The following PCID2 variants were observed in gnomAD, a reference collection of about 807,000 sequenced individuals.
PCID2 encodes PCI domain containing 2, also known as PCI domain-containing protein 2.
A neutral mutation model predicts 61.3 loss-of-function variants in PCID2; 41 were observed. The ratio of observed to expected loss-of-function variants is 0.67; its 90% CI spans 0.52 to 0.87. PCID2 has a LOEUF of 0.87. Among genes scored for constraint, PCID2 ranks in the 40% least tolerant of loss-of-function variants. The pLI, the probability that PCID2 is intolerant of heterozygous loss-of-function variation, is 0.00. For missense variants in PCID2, 392 were observed against 493.4 expected (o/e 0.79, Z 1.95); for synonymous variants, 187 against 177.8 (o/e 1.05, Z -0.41).
At chr13:113,175,268 T>A (rs1306148726), downstream of PCID2, among the ~76,000 whole-genome samples, 1 of 152,116 alleles carries the variant, frequency 6.6e-6, no homozygotes, top group African/African-American at 2.4e-5. Context: ...TACACTGAGG[T>A]TGTTTCTTTC....
downstream of PCID2, among the ~76,000 whole-genome samples, chr13:113,175,958 C>T (rs552183465): frequency 3.3e-5 from 5 of 152,384 alleles, no homozygotes; most frequent in South Asian, 8.3e-4. Flanking sequence ...CGGGCCAATA[C>T]ACGGGAATGA....
At chr13:113,190,303 T>C (rs1451064123) in intron 7 of PCID2, among the ~76,000 whole-genome samples, 1 of 146,744 alleles carries the variant, frequency 6.8e-6, no homozygotes, top group African/African-American at 2.5e-5. Flanking sequence ...GAGAAAATCA[T>C]AGCCAGAGGA....
At chr13:113,200,696 CTT>C (rs998821979) in intron 1 of PCID2, 180 bp from the exon 2 acceptor site, 7,122 of 218,686 alleles carry the variant, frequency 0.033, no homozygotes, top group South Asian at 0.067. Flanking sequence ...ACAATAATTT[CTT>C]TTTTTTTTTT....
intron 6 of PCID2, among the ~76,000 whole-genome samples, chr13:113,191,588 C>T (rs930314880): frequency 6.6e-6 from 1 of 152,150 alleles, no homozygotes. Flanking sequence ...CTAGTCAAAA[C>T]ACTTGAAATA....
At chr13:113,169,697 CACT>C in the PCID2 span, among the ~76,000 whole-genome samples, 1 of 152,244 alleles carries the variant, frequency 6.6e-6, no homozygotes, top group East Asian at 1.9e-4. Flanking sequence ...CCCCGTGCCC[CACT>C]GAGTCAGGGA....
intron 6 of PCID2, among the ~76,000 whole-genome samples, chr13:113,194,694 C>T (rs939548417): frequency 6.6e-6 from 1 of 152,208 alleles, no homozygotes; most frequent in African/African-American, 2.4e-5. Context: ...CCCCCTCCTA[C>T]TGCCCAAATC....
chr13:113,185,455 A>C, intron 8 of PCID2, 30 bp downstream of exon 8: 3 of 1,531,622 alleles, frequency 2.0e-6, no homozygotes, highest in Non-Finnish European at 1.8e-6. Context: ...GAAAATTGTA[A>C]AGACAGAAAG....
At chr13:113,203,238 TCTGC>T (rs2039562598) in intron 1 of PCID2, among the ~76,000 whole-genome samples, 1 of 152,240 alleles carries the variant, frequency 6.6e-6, no homozygotes, top group Admixed American at 6.5e-5. Context: ...TTGCAGGTTT[TCTGC>T]CTTCATAGGA....
intron 1 of PCID2, among the ~76,000 whole-genome samples, chr13:113,203,541 C>T (rs2039585993): frequency 6.6e-6 from 1 of 152,192 alleles, no homozygotes; most frequent in South Asian, 2.1e-4. Context: ...CAGTATTTTG[C>T]AATTTACAAC....
downstream of PCID2, among the ~76,000 whole-genome samples, chr13:113,176,563 AC>A (rs2037194122): frequency 5.1e-4 from 2 of 3,914 alleles, no homozygotes; most frequent in Non-Finnish European, 0.01. Flanking sequence ...GGCGTTCCAG[AC>A]CAGCCTGTGC....
At chr13:113,203,537 T>G (rs1171125551) in intron 1 of PCID2, among the ~76,000 whole-genome samples, 2 of 152,174 alleles carry the variant, frequency 1.3e-5, no homozygotes, top group East Asian at 3.8e-4. Context: ...AGATCAGTAT[T>G]TTGCAATTTA....
At chr13:113,174,557 C>T (rs1036892460), downstream of PCID2, among the ~76,000 whole-genome samples, 16 of 152,178 alleles carry the variant, frequency 1.1e-4, no homozygotes, top group African/African-American at 3.1e-4. Context: ...GTGCAGGGCA[C>T]GATCCTAGCT....
At chr13:113,180,286 TGATA>T (rs1566942117) in intron 10 of PCID2, 55 bp from the exon 11 acceptor site, 21 of 1,315,428 alleles carry the variant, frequency 1.6e-5, no homozygotes, top group Non-Finnish European at 2.2e-5. Flanking sequence ...AAATTGTCCT[TGATA>T]AATATTCATA....
rs752544098 is a variant in PCID2 at position 113,201,409 on chromosome 13, G to A, written c.37-893C>T. On this transcript the variant is annotated intron_variant, in intron 1 of 13. Transcript: ENST00000337344. Reference sequence around the variant, plus strand: ...GTACCATACCACACCAGCTGACTGCGCAGAACGTCGGGTGGAGACTAGGAG... The same window carrying A: ...GTACCATACCACACCAGCTGACTGCACAGAACGTCGGGTGGAGACTAGGAG... Among the ~76,000 whole-genome samples the A allele has an allele frequency of 7.9e-5, 12 of 152,190 alleles. No individual in the cohort carries two copies. In the East Asian group the frequency reaches 1.7e-3, roughly 22 times the overall value.
Position 113,179,725 on chromosome 13 carries a change from T to C in PCID2, c.986+192A>G, listed in dbSNP as rs957274444. ...CCCCCACAAGTCCAGGCACAGCTTGTGCTACTCACGTGTCTCGCGCAGGGT... is the reference window on the plus strand; with the variant it reads ...CCCCCACAAGTCCAGGCACAGCTTGCGCTACTCACGTGTCTCGCGCAGGGT... On this transcript the variant is annotated intron_variant, in intron 12 of 13. Coordinates refer to ENST00000337344, the MANE Select transcript of PCID2 (RefSeq NM_001127202.4). The surrounding 1 kb of genome is among the most constrained non-coding windows in gnomAD (Gnocchi z 4.3). 1.3e-5 allele frequency among the ~76,000 whole-genome samples: 2 copies of C among 152,186 alleles called. No individual in the cohort carries two copies. The highest frequency in any genetic ancestry group is 2.9e-5 in the Non-Finnish European group (2 of 68,024).
At chr13:113,165,007 T>C in the PCID2 span, 1 of 1,579,954 alleles carries the variant, frequency 6.3e-7, no homozygotes, top group South Asian at 1.1e-5. Flanking sequence ...CGATATTCGC[T>C]GAGAAGGCGC....
At position 113,179,212 on chromosome 13, in the gene PCID2, T is replaced by TA; in HGVS notation, c.987-124dup. 1.5e-6 allele frequency: 1 copy of TA among 649,934 alleles called. No homozygotes were observed. Among genetic ancestry groups the TA allele is most frequent in the South Asian group, 2.6e-5 (1 of 38,800 alleles). 40.3% of individuals were successfully genotyped at this position (649,934 alleles called of 1,614,324 possible). ...AGTAAAAAAATTCCCACCTATTAGA[T>TA]AAACTCTAAACTACACTCTCAGAGC... is the stretch of plus-strand genomic sequence containing the variant. On this transcript the variant is annotated intron_variant, in intron 12 of 13. Coordinates refer to ENST00000337344, the MANE Select transcript of PCID2 (RefSeq NM_001127202.4). This position sits in a 1 kb window ranked among gnomAD's most constrained non-coding sequence, Gnocchi z 4.3.
chr13:113,192,963 A>AT (rs1377075462), intron 6 of PCID2, among the ~76,000 whole-genome samples: 3 of 152,170 alleles, frequency 2.0e-5, no homozygotes, highest in African/African-American at 7.2e-5. Context: ...ACACAGCAAG[A>AT]TGCTATGAGC....
intron 1 of PCID2, chr13:113,208,227 T>G: frequency 6.6e-7 from 1 of 1,507,880 alleles, no homozygotes; most frequent in African/African-American, 1.4e-5. Context: ...ACAGCGTCCA[T>G]CCGACACAGC....
Sources: gnomAD v4.1 joint callset for allele counts (sites outside exome capture counted in the v4.1 genomes callset) on GRCh38, gnomAD v4.1.1 for gene constraint, Gnocchi (gnomAD v3.1) non-coding constraint, MANE v1.5 for transcripts, NCBI Gene and HGNC (gene_info 2026-07-23, HGNC 2026-07-21) for gene names.